PTPRG: variants seen among roughly 807,000 people sequenced by gnomAD.
The protein encoded by PTPRG is protein tyrosine phosphatase receptor type G.
Under a neutral mutation model 165.3 loss-of-function variants are expected in PTPRG, and 102 were observed. That is an observed-to-expected ratio of 0.62 (90% CI 0.53 to 0.73). The LOEUF is 0.73. Ranked by LOEUF, PTPRG falls within the 30% of genes least tolerant of loss-of-function variation. PTPRG has a pLI of 0.00. For synonymous variants in PTPRG, 675 were observed against 669.5 expected, an observed-to-expected ratio of 1.01 and a Z score of -0.13; for missense variants, 1,866 against 1,861.4, an observed-to-expected ratio of 1.00 and a Z score of -0.05.
chr3:61,929,562 G>A (rs1001409153), intron 2 of PTPRG, among the ~76,000 whole-genome samples: 3 of 152,178 alleles, frequency 2.0e-5, no homozygotes, highest in African/African-American at 2.4e-5. Context: ...TCCTTTGGAT[G>A]TGAGTTTTTC....
chr3:62,207,394 C>T (rs187639135), intron 12 of PTPRG, among the ~76,000 whole-genome samples: 2 of 152,330 alleles, frequency 1.3e-5, no homozygotes, highest in African/African-American at 4.8e-5. Context: ...AAGCAAATCC[C>T]ACATCAGTCA....
chr3:62,243,108 G>A (rs1177541554), intron 14 of PTPRG, among the ~76,000 whole-genome samples: 1 of 152,086 alleles, frequency 6.6e-6, no homozygotes, highest in African/African-American at 2.4e-5. Context: ...AGCATCGGAG[G>A]CAGAGGCTGA....
chr3:62,140,868 A>C (rs1376074090), intron 6 of PTPRG, among the ~76,000 whole-genome samples: 1 of 150,376 alleles, frequency 6.6e-6, no homozygotes, highest in East Asian at 1.9e-4. Flanking sequence ...AAAAAAAAAA[A>C]AAAAAAGAGT....
chr3:61,690,275 C>T (rs2030110385), intron 1 of PTPRG, among the ~76,000 whole-genome samples: 1 of 152,150 alleles, frequency 6.6e-6, no homozygotes, highest in Admixed American at 6.5e-5. Context: ...GGCCACTAAG[C>T]CCAGGAAGGG....
intron 1 of PTPRG, among the ~76,000 whole-genome samples, chr3:61,680,102 C>T (rs1206830518): frequency 2.6e-5 from 4 of 152,164 alleles, no homozygotes; most frequent in Admixed American, 6.5e-5. Context: ...CAGAACAGAA[C>T]AAAGACGTAC....
intron 2 of PTPRG, among the ~76,000 whole-genome samples, chr3:61,951,886 G>A (rs2039907986): frequency 6.6e-6 from 1 of 152,100 alleles, no homozygotes; most frequent in Non-Finnish European, 1.5e-5. Context: ...TTGGGAGGCC[G>A]AGGCGGGCAG....
intron 2 of PTPRG, among the ~76,000 whole-genome samples, chr3:61,767,110 G>T (rs773125777): frequency 6.6e-6 from 1 of 151,520 alleles, no homozygotes; most frequent in Non-Finnish European, 1.5e-5. Flanking sequence ...TGGGCGTGGT[G>T]GTGCACGCCT....
At chr3:61,667,095 T>C (rs1005803633) in intron 1 of PTPRG, among the ~76,000 whole-genome samples, 10 of 152,224 alleles carry the variant, frequency 6.6e-5, no homozygotes, top group Admixed American at 2.6e-4. Context: ...CAGCAGTAAT[T>C]GCTTTAGGAT....
chr3:62,282,700 A>AT (rs1559758959), intron 27 of PTPRG, 27 bp from the exon 28 acceptor site: 2 of 1,591,688 alleles, frequency 1.3e-6, no homozygotes, highest in Non-Finnish European at 1.7e-6. Flanking sequence ...AAAGGAAGGG[A>AT]TTTGACCCAT....
intron 1 of PTPRG, among the ~76,000 whole-genome samples, chr3:61,606,391 A>G (rs9859868): frequency 0.03 from 4,499 of 152,078 alleles, 198 homozygotes; most frequent in African/African-American, 0.1. Flanking sequence ...CTTTTAAAAG[A>G]CTCACCTGAT....
At chr3:61,818,475 T>A (rs1226131572) in intron 2 of PTPRG, among the ~76,000 whole-genome samples, 1 of 152,044 alleles carries the variant, frequency 6.6e-6, no homozygotes, top group African/African-American at 2.4e-5. Context: ...AGAAATATAA[T>A]AATGAAAAAG....
intron 12 of PTPRG, among the ~76,000 whole-genome samples, chr3:62,206,279 A>G (rs1248784091): frequency 1.3e-5 from 2 of 152,130 alleles, no homozygotes; most frequent in African/African-American, 4.8e-5. Context: ...TCCCTACTCC[A>G]GGTATGAGGT....
intron 2 of PTPRG, among the ~76,000 whole-genome samples, chr3:61,846,577 G>A (rs1214449411): frequency 6.6e-6 from 1 of 152,174 alleles, no homozygotes; most frequent in African/African-American, 2.4e-5. Flanking sequence ...GCTTGCCACA[G>A]TACCTAGAAC....
chr3:61,911,288 T>C (rs560806069), intron 2 of PTPRG, among the ~76,000 whole-genome samples: 2 of 152,234 alleles, frequency 1.3e-5, no homozygotes, highest in African/African-American at 4.8e-5. Flanking sequence ...TTCTCCTTAC[T>C]GTATTTTAAG....
intron 5 of PTPRG, among the ~76,000 whole-genome samples, chr3:62,089,014 C>T (rs904785883): frequency 6.6e-6 from 1 of 152,220 alleles, no homozygotes; most frequent in Non-Finnish European, 1.5e-5. Flanking sequence ...TTGAGAAGAA[C>T]TTTACAATTC....
At chr3:61,568,926 TC>T (rs918944635) in intron 1 of PTPRG, among the ~76,000 whole-genome samples, 61 of 151,576 alleles carry the variant, frequency 4.0e-4, no homozygotes, top group African/African-American at 1.3e-3. Flanking sequence ...AAAAAAAGAT[TC>T]GTTTTAAGTG....
At chr3:62,068,518 C>T (rs944126062) in intron 4 of PTPRG, among the ~76,000 whole-genome samples, 3 of 152,142 alleles carry the variant, frequency 2.0e-5, no homozygotes, top group African/African-American at 7.2e-5. Flanking sequence ...CTGTGTCACC[C>T]AGGTTGGAGT....
At chr3:61,894,468 G>A (rs951897052) in intron 2 of PTPRG, among the ~76,000 whole-genome samples, 7 of 152,098 alleles carry the variant, frequency 4.6e-5, no homozygotes, top group African/African-American at 1.7e-4. Context: ...ATTGGAAAGA[G>A]TTCATTAGTA....
Position 61,654,470 on chromosome 3 carries a change from C to T in PTPRG, c.85+92098C>T, listed in dbSNP as rs551044729. ...TGCAGTCTCAGCTGACTGCAGCCTC[C>T]GCCTCCCAGGCTCAAGCAATTCTCA... On this transcript the variant is annotated intron_variant, in intron 1 of 29. Transcript: ENST00000474889. Among the ~76,000 whole-genome samples, 12 of 150,936 alleles carry T rather than the reference C, an allele frequency of 8.0e-5. No individual in the cohort carries two copies. In the East Asian group the frequency reaches 1.4e-3, roughly 18 times the overall value.
Sources: allele counts gnomAD v4.1 joint callset (sites outside exome capture counted in the v4.1 genomes callset), GRCh38; gene constraint gnomAD v4.1.1; transcripts MANE v1.5; gene names NCBI Gene and HGNC (gene_info 2026-07-23, HGNC 2026-07-21).